Variants in CR1 observed in about 807,000 individuals in gnomAD.
The protein encoded by CR1 is complement receptor type 1.
A neutral mutation model predicts 187.3 loss-of-function variants in CR1; 116 were observed. The ratio of observed to expected loss-of-function variants is 0.62; its 90% confidence interval spans 0.53 to 0.72. The LOEUF is 0.72. Ranked by LOEUF, CR1 falls within the 30% of genes least tolerant of loss-of-function variation. CR1 has a pLI of 0.00. For synonymous variants in CR1, 576 were observed against 747.1 expected (o/e 0.77, Z 3.73); for missense variants, 1,731 against 2,110.7 (o/e 0.82, Z 3.52).
At chr1:207,611,647 A>G (rs1661932577) in intron 37 of CR1, 30 bp from the exon 38 acceptor site, 5 of 1,611,762 alleles carry the variant, frequency 3.1e-6, no homozygotes, top group Middle Eastern at 1.7e-4. Flanking sequence ...CCCATATCTA[A>G]CAAGTGCTCT....
At chr1:207,615,521 T>A (rs1662066820) in intron 40 of CR1, among the ~76,000 whole-genome samples, 2 of 152,080 alleles carry the variant, frequency 1.3e-5, no homozygotes, top group African/African-American at 4.8e-5. Context: ...TCAGAAAAAA[T>A]TCAGAAACTC....
At chr1:207,615,928 A>C (rs1241965494) in intron 40 of CR1, among the ~76,000 whole-genome samples, 1 of 152,234 alleles carries the variant, frequency 6.6e-6, no homozygotes, top group Non-Finnish European at 1.5e-5. Flanking sequence ...ATTCATATCA[A>C]ACTAGAAGCA....
intron 46 of CR1, 124 bp from the exon 47 acceptor site, chr1:207,639,273 A>T: frequency 1.2e-6 from 1 of 839,954 alleles, no homozygotes; most frequent in Non-Finnish European, 1.9e-6. Context: ...TTGTCCTCCT[A>T]AAGCAACTCC....
rs1469875213 is a variant in CR1, at chr1:207,609,616, A to C, written c.6223A>C (p.Met2075Leu). 6.2e-7 allele frequency: 1 copy of C among 1,611,978 alleles called. No homozygotes were observed. Among genetic ancestry groups the C allele is most frequent in the Non-Finnish European group, 8.5e-7 (1 of 1,178,984 alleles). Residue 2075 changes from methionine (M) to leucine (L), a missense_variant, in exon 37 of 47, where the codon ATG becomes CTG. Met to Leu is a conservative substitution (Grantham distance 15). Transcript: ENST00000367049. Reference sequence around the variant, plus strand: ...ATTTAGATGTCAGCCCGGGTTTGTCATGGTAGGGTCCCACACTGTGCAGTG... The same window carrying C: ...ATTTAGATGTCAGCCCGGGTTTGTCCTGGTAGGGTCCCACACTGTGCAGTG... ...IRFRCQPGFVMVGSHTVQCQT... is the reference protein window; with the variant it reads ...IRFRCQPGFVLVGSHTVQCQT...
intron 1 of CR1, among the ~76,000 whole-genome samples, chr1:207,503,235 G>A (rs747280920): frequency 4.6e-5 from 7 of 152,114 alleles, no homozygotes; most frequent in Admixed American, 1.3e-4. Context: ...AAGATTAAGC[G>A]GTTTGCCTAA....
intron 29 of CR1, among the ~76,000 whole-genome samples, chr1:207,579,044 T>C (rs74151084): frequency 0.013 from 1,994 of 152,318 alleles, 47 homozygotes; most frequent in African/African-American, 0.044. Context: ...GTCAGTTAAA[T>C]ATTTCTAAAT....
chr1:207,498,939 T>A, intron 1 of CR1, among the ~76,000 whole-genome samples: 1 of 125,064 alleles, frequency 8.0e-6, no homozygotes, highest in Admixed American at 7.7e-5. Flanking sequence ...AGGAAAAGAA[T>A]GGAAGACAAA....
At chr1:207,619,368 G>A (rs1389788059) in intron 42 of CR1, among the ~76,000 whole-genome samples, 1 of 104,336 alleles carries the variant, frequency 9.6e-6, no homozygotes, top group African/African-American at 4.1e-5. Flanking sequence ...GGGTGACACA[G>A]TGAGACTCAA....
rs781322624 is a variant in CR1, at chr1:207,496,298, C to A, written c.31C>A (p.Pro11Thr). The A allele has an allele frequency of 1.4e-5, 23 of 1,613,776 alleles. No individual in the cohort carries two copies. The highest frequency in any genetic ancestry group is 1.9e-5 in the Non-Finnish European group (22 of 1,179,858). Reference sequence around the variant, plus strand: ...GGCCTCTTCTCCAAGAAGCCCGGAGCCTGTCGGGCCGCCGGCGCCCGGTCT... The same window carrying A: ...GGCCTCTTCTCCAAGAAGCCCGGAGACTGTCGGGCCGCCGGCGCCCGGTCT... MGASSPRSPE[P>T]VGPPAPGLPF... Residue 11 changes from proline (P) to threonine (T), a missense_variant, in exon 1 of 47, where the codon CCT (proline) becomes ACT (threonine). This residue lies in a region of CR1 where 237 missense variants were observed against 240.4 expected (regional missense o/e 0.99). Coordinates refer to ENST00000367049, the MANE Select transcript of CR1 (RefSeq NM_000651.6).
At chr1:207,505,812 G>C (rs1284443114) in intron 1 of CR1, 92 bp from the exon 2 acceptor site, 133 of 1,414,164 alleles carry the variant, frequency 9.4e-5, no homozygotes, top group Non-Finnish European at 1.2e-4. Flanking sequence ...CTCCAGCCTG[G>C]GTGATGGAGC....
chr1:207,613,546 G>A (rs1253478793), intron 39 of CR1, among the ~76,000 whole-genome samples: 2 of 151,930 alleles, frequency 1.3e-5, no homozygotes, highest in Non-Finnish European at 2.9e-5. Flanking sequence ...CTTGAAGGTC[G>A]GGTTTCACCG....
chr1:207,566,421 T>A (rs1424391128), intron 24 of CR1, among the ~76,000 whole-genome samples: 1 of 150,242 alleles, frequency 6.7e-6, no homozygotes, highest in Non-Finnish European at 1.5e-5. Context: ...CAATATTTAT[T>A]GATCACATAC....
At chr1:207,590,826 A>G (rs1017610136) in intron 35 of CR1, among the ~76,000 whole-genome samples, 2 of 152,238 alleles carry the variant, frequency 1.3e-5, no homozygotes, top group Non-Finnish European at 1.5e-5. Context: ...TCTCTGATAA[A>G]ACATACTTTA....
At chr1:207,565,027 C>G (rs1294744926) in intron 23 of CR1, among the ~76,000 whole-genome samples, 1 of 150,008 alleles carries the variant, frequency 6.7e-6, no homozygotes, top group Non-Finnish European at 1.5e-5. Context: ...GTCATGGGCT[C>G]TGGGCTCTGA....
intron 4 of CR1, among the ~76,000 whole-genome samples, chr1:207,514,291 A>G (rs1306301960): frequency 6.6e-6 from 1 of 152,200 alleles, no homozygotes; most frequent in African/African-American, 2.4e-5. Flanking sequence ...CATAAAAGTT[A>G]CCTTTTTAAA....
intron 3 of CR1, 52 bp from the exon 4 acceptor site, chr1:207,511,517 G>C (rs942683506): frequency 1.3e-6 from 2 of 1,546,978 alleles, no homozygotes; most frequent in African/African-American, 2.7e-5. Context: ...AATTTAATTG[G>C]GTAGTTGACC....
chr1:207,506,023 C>A lies in CR1; in HGVS notation c.241C>A (p.Pro81Thr). ...YECRPGYSGR[P>T]FSIICLKNSV... ...ATGCCGCCCTGGTTATTCCGGAAGA[C>A]CGTTTTCTATCATCTGCCTAAAAAA... is the stretch of plus-strand genomic sequence containing the variant. Residue 81 changes from proline (P) to threonine (T), a missense_variant, in exon 2 of 47, where the codon CCG (proline) becomes ACG (threonine). Physicochemically the swap from Pro to Thr is conservative, Grantham distance 38 (BLOSUM62 -1). This residue lies in a region of CR1 where 237 missense variants were observed against 240.4 expected (regional missense o/e 0.99). Transcript: ENST00000367049. 1 of 1,613,876 alleles carries A rather than the reference C, an allele frequency of 6.2e-7. No homozygotes were observed. Among genetic ancestry groups the A allele is most frequent in the Non-Finnish European group, 8.5e-7 (1 of 1,179,850 alleles).
intron 1 of CR1, among the ~76,000 whole-genome samples, chr1:207,503,837 G>A (rs1335735109): frequency 1.3e-5 from 2 of 152,184 alleles, no homozygotes; most frequent in Admixed American, 6.5e-5. Flanking sequence ...CCTAATAAGG[G>A]AGTTCATTAC....
In CR1 at chr1:207,516,364, A is replaced by T. The variant is rs75029494; in HGVS notation, c.487+4710A>T. 2.8e-3 allele frequency among the ~76,000 whole-genome samples: 434 copies of T among 152,336 alleles called. 1 individual carries two copies. The highest frequency in any genetic ancestry group is 7.1e-3 in the South Asian group (34 of 4,822). On this transcript the variant is annotated intron_variant, in intron 4 of 46. Coordinates refer to ENST00000367049, the MANE Select transcript of CR1 (RefSeq NM_000651.6). ...TCTGTTTCACTGGTTTATTTGCCAT[A>T]CTATAAGCACTACATTAAGATTTTA...
Sources: gnomAD v4.1 joint callset for allele counts (sites outside exome capture counted in the v4.1 genomes callset) on GRCh38, gnomAD v4.1.1 for gene constraint, gnomAD v4.1.1 regional missense constraint, MANE v1.5 for transcripts, NCBI Gene and HGNC (gene_info 2026-07-23, HGNC 2026-07-21) for gene names.